The following TENM4 variants were observed in gnomAD, a reference collection of about 807,000 sequenced individuals.
TENM4 encodes the protein teneurin-4.
Under a neutral mutation model 243.3 loss-of-function variants are expected in TENM4, and 82 were observed. The ratio of observed to expected loss-of-function variants is 0.34; its 90% CI spans 0.28 to 0.40. The LOEUF is 0.40. Ranked by LOEUF, TENM4 falls within the 10% of genes least tolerant of loss-of-function variation. The pLI is 1.00. For synonymous variants in TENM4, 1,412 were observed against 1,456.3 expected (o/e 0.97, Z 0.69); for missense variants, 3,138 against 3,673.3 (o/e 0.85, Z 3.77).
At chr11:78,830,575 C>G (rs1274273479) in intron 12 of TENM4, among the ~76,000 whole-genome samples, 3 of 152,354 alleles carry the variant, frequency 2.0e-5, no homozygotes, top group Admixed American at 6.5e-5. Context: ...TAGCAGGACG[C>G]AGGTGCACAT....
At chr11:79,234,824 GT>G (rs1864433568) in intron 2 of TENM4, among the ~76,000 whole-genome samples, 1 of 152,208 alleles carries the variant, frequency 6.6e-6, no homozygotes. Context: ...TACGTTGCCT[GT>G]GTCCTTGGAG....
At chr11:79,273,453 C>T (rs1035145976) in intron 2 of TENM4, among the ~76,000 whole-genome samples, 1 of 152,156 alleles carries the variant, frequency 6.6e-6, no homozygotes, top group African/African-American at 2.4e-5. Flanking sequence ...TCATGAGGTG[C>T]TCTAGAAACG....
intron 6 of TENM4, among the ~76,000 whole-genome samples, chr11:79,004,497 A>G (rs1437797992): frequency 1.3e-5 from 2 of 152,226 alleles, no homozygotes; most frequent in Non-Finnish European, 2.9e-5. Flanking sequence ...AATTAAATGG[A>G]AATTAAACAA....
chr11:79,150,805 T>A (rs1404567339), intron 3 of TENM4, among the ~76,000 whole-genome samples: 1 of 152,172 alleles, frequency 6.6e-6, no homozygotes. Flanking sequence ...CATAATTTAA[T>A]TAGAAGTGTT....
intron 2 of TENM4, among the ~76,000 whole-genome samples, chr11:79,290,918 T>C (rs1039054350): frequency 1.3e-5 from 2 of 152,134 alleles, no homozygotes; most frequent in African/African-American, 2.4e-5. Flanking sequence ...TTTAGAGCTG[T>C]TTGTTTGTAA....
At chr11:79,341,129 G>T (rs1857234782) in intron 1 of TENM4, among the ~76,000 whole-genome samples, 1 of 152,202 alleles carries the variant, frequency 6.6e-6, no homozygotes, top group African/African-American at 2.4e-5. Flanking sequence ...TCCCTTTGGA[G>T]CCTCCAGAAG....
At chr11:78,976,506 T>C (rs909931172) in intron 6 of TENM4, among the ~76,000 whole-genome samples, 3 of 152,268 alleles carry the variant, frequency 2.0e-5, no homozygotes, top group African/African-American at 7.2e-5. Context: ...AATGCCCTGA[T>C]TCGAAACAGC....
intron 12 of TENM4, among the ~76,000 whole-genome samples, chr11:78,834,742 G>A (rs1272326061): frequency 5.3e-5 from 8 of 152,086 alleles, no homozygotes; most frequent in Admixed American, 3.3e-4. Context: ...ATATCTCTAC[G>A]GAACAAGCCT....
intron 18 of TENM4, among the ~76,000 whole-genome samples, chr11:78,761,083 G>A (rs891811318): frequency 9.9e-5 from 15 of 151,904 alleles, no homozygotes; most frequent in Middle Eastern, 3.4e-3. Context: ...TTAAGTTCTC[G>A]GGAGTGGTCA....
At chr11:78,797,493 T>C (rs1857184061) in intron 15 of TENM4, among the ~76,000 whole-genome samples, 1 of 152,202 alleles carries the variant, frequency 6.6e-6, no homozygotes, top group African/African-American at 2.4e-5. Context: ...ACTGAAGAGA[T>C]CCAATTCTGA....
At chr11:78,862,876 C>T in intron 10 of TENM4, 86 bp downstream of exon 10, 2 of 1,265,062 alleles carry the variant, frequency 1.6e-6, no homozygotes, top group Non-Finnish European at 2.0e-6. Context: ...GTGAGCCAGG[C>T]ACATGATGCA....
chr11:79,393,388 A>C (rs1377363201), intron 1 of TENM4, among the ~76,000 whole-genome samples: 1 of 152,112 alleles, frequency 6.6e-6, no homozygotes, highest in Non-Finnish European at 1.5e-5. Context: ...TCTTCACACT[A>C]AGTTAATCCT....
intron 1 of TENM4, among the ~76,000 whole-genome samples, chr11:79,383,950 A>G (rs1858057156): frequency 6.6e-6 from 1 of 152,128 alleles, no homozygotes; most frequent in Admixed American, 6.5e-5. Flanking sequence ...CCATATTTCT[A>G]TGAAGCAACC....
At chr11:79,013,032 C>A (rs1004190012) in intron 6 of TENM4, among the ~76,000 whole-genome samples, 1 of 152,216 alleles carries the variant, frequency 6.6e-6, no homozygotes, top group Non-Finnish European at 1.5e-5. Flanking sequence ...CTACACCAGA[C>A]TGATACACGA....
rs1050585071 is a variant in TENM4 at position 79,096,924 on chromosome 11, G to GCACACACACACACACACA, written c.-65-26916_-65-26915insTGTGTGTGTGTGTGTGTG. On this transcript the variant is annotated intron_variant, in intron 4 of 33. Coordinates refer to ENST00000278550, the MANE Select transcript of TENM4 (RefSeq NM_001098816.3). ...TGGGCATGCACGCACATGCGCGCGC[G>GCACACACACACACACACA]CGCGCACACACACACACACACACAC... is the stretch of plus-strand genomic sequence containing the variant. The GCACACACACACACACACA allele has an allele frequency of 4.1e-5, 5 of 121,304 alleles. No individual in the cohort carries two copies. In the South Asian group the frequency reaches 7.5e-4, roughly 18 times the overall value. The allele number at this position is 121,304 out of a possible 1,614,324, so 7.5% of individuals were successfully genotyped here.
chr11:79,044,142 T>C (rs867209028), intron 6 of TENM4, among the ~76,000 whole-genome samples: 2 of 152,334 alleles, frequency 1.3e-5, no homozygotes, highest in Middle Eastern at 3.4e-3. Context: ...AGACCAAATA[T>C]ATGTTTACAT....
At chr11:78,814,605 T>C (rs1051878597) in intron 12 of TENM4, among the ~76,000 whole-genome samples, 2 of 152,230 alleles carry the variant, frequency 1.3e-5, no homozygotes, top group Non-Finnish European at 2.9e-5. Context: ...TTCTGGAAAA[T>C]GTCTGCCTGA....
At chr11:78,713,375 C>T (rs1859445813) in intron 25 of TENM4, among the ~76,000 whole-genome samples, 2 of 152,192 alleles carry the variant, frequency 1.3e-5, no homozygotes. Flanking sequence ...ATAAGCAACA[C>T]AGAAGAGCAG....
chr11:78,872,643 T>C (rs1459560613), intron 9 of TENM4, among the ~76,000 whole-genome samples: 1 of 152,240 alleles, frequency 6.6e-6, no homozygotes, highest in Non-Finnish European at 1.5e-5. Flanking sequence ...CTCCCTCACC[T>C]GTGTTAACGA....
Sources: gnomAD v4.1 joint callset for allele counts (sites outside exome capture counted in the v4.1 genomes callset) on GRCh38, gnomAD v4.1.1 for gene constraint, MANE v1.5 for transcripts, NCBI Gene and HGNC (gene_info 2026-07-23, HGNC 2026-07-21) for gene names.